Variants in DLGAP2 observed in about 807,000 individuals in gnomAD.
DLGAP2 encodes DLG associated protein 2.
DLGAP2 carries 26 observed loss-of-function variants against 100.3 expected under a neutral mutation model. That is an observed-to-expected ratio of 0.26 (90% CI 0.19 to 0.36). DLGAP2 has a LOEUF of 0.36. DLGAP2 is among the 10% of genes least tolerant of loss of function. The pLI, the probability that DLGAP2 is intolerant of heterozygous loss-of-function variation, is 1.00. For missense variants in DLGAP2, 1,858 were observed against 1,453.2 expected (o/e 1.28, Z -4.53); for synonymous variants, 886 against 630.1 (o/e 1.41, Z -6.08).
At chr8:1,507,402 T>G (rs548645426) in intron 4 of DLGAP2, among the ~76,000 whole-genome samples, 1 of 152,290 alleles carries the variant, frequency 6.6e-6, no homozygotes, top group Admixed American at 6.5e-5. Flanking sequence ...GCCCAGGTGC[T>G]GAGCCCTTCA....
intron 2 of DLGAP2, among the ~76,000 whole-genome samples, chr8:1,067,466 C>G (rs2129036506): frequency 6.6e-6 from 1 of 152,274 alleles, no homozygotes; most frequent in South Asian, 2.1e-4. Flanking sequence ...GGGGGCCACG[C>G]TGAGGAAGCC....
chr8:1,281,684 C>G (rs181088306), intron 3 of DLGAP2, among the ~76,000 whole-genome samples: 3 of 152,156 alleles, frequency 2.0e-5, no homozygotes, highest in African/African-American at 4.8e-5. Context: ...AATTCAGCTC[C>G]CCACACTCCC....
At chr8:1,248,410 GCCCA>G (rs1798960228) in intron 2 of DLGAP2, 1 of 22,034 alleles carries the variant, frequency 4.5e-5, no homozygotes, top group African/African-American at 2.7e-4. Flanking sequence ...GGGAGTGATG[GCCCA>G]TGTTGGTGGC....
At chr8:1,335,648 GT>G (rs1163901939) in intron 3 of DLGAP2, among the ~76,000 whole-genome samples, 3 of 152,150 alleles carry the variant, frequency 2.0e-5, no homozygotes, top group Non-Finnish European at 4.4e-5. Flanking sequence ...ATGAGTAGGA[GT>G]TTGATGGATG....
At chr8:1,349,651 TAGGAAGGGGTGTTTGAGGGA>T (rs879468394) in intron 3 of DLGAP2, among the ~76,000 whole-genome samples, 32 of 59,826 alleles carry the variant, frequency 5.3e-4, no homozygotes, top group East Asian at 1.7e-3. Flanking sequence ...CACACACAGG[TAGGAAGGGGTGTTTGAGGGA>T]GACTATCATG....
chr8:1,456,596 C>G (rs910215332), intron 3 of DLGAP2, among the ~76,000 whole-genome samples: 1 of 152,134 alleles, frequency 6.6e-6, no homozygotes, highest in Non-Finnish European at 1.5e-5. Context: ...TTGCAGCAAA[C>G]TAAGCAATTT....
intron 1 of DLGAP2, among the ~76,000 whole-genome samples, chr8:791,543 A>G (rs972686178): frequency 1.3e-5 from 2 of 152,230 alleles, no homozygotes; most frequent in African/African-American, 4.8e-5. Context: ...GAAACAAAGC[A>G]TACTGTATAA....
At chr8:1,549,981 C>G (rs543057267) in intron 5 of DLGAP2, among the ~76,000 whole-genome samples, 1 of 152,196 alleles carries the variant, frequency 6.6e-6, no homozygotes, top group Non-Finnish European at 1.5e-5. Flanking sequence ...GAGCTGACCC[C>G]TCCTCACTGA....
chr8:1,077,115 G>C (rs1803646325), intron 2 of DLGAP2, among the ~76,000 whole-genome samples: 1 of 152,186 alleles, frequency 6.6e-6, no homozygotes, highest in African/African-American at 2.4e-5. Context: ...TCCGTGGCCT[G>C]ATAGTCCCGA....
chr8:926,478 C>T (rs1244254073), intron 2 of DLGAP2, among the ~76,000 whole-genome samples: 1 of 152,192 alleles, frequency 6.6e-6, no homozygotes, highest in African/African-American at 2.4e-5. Context: ...GTCTCTGTGT[C>T]TCACCGCACC....
intron 2 of DLGAP2, among the ~76,000 whole-genome samples, chr8:970,087 A>T (rs1799976642): frequency 1.3e-5 from 2 of 152,092 alleles, no homozygotes; most frequent in Admixed American, 1.3e-4. Flanking sequence ...TTTCATTTTT[A>T]TCCTGCTCAT....
intron 3 of DLGAP2, among the ~76,000 whole-genome samples, chr8:1,480,072 G>C (rs924011746): frequency 6.6e-6 from 1 of 152,194 alleles, no homozygotes; most frequent in Non-Finnish European, 1.5e-5. Flanking sequence ...GGATGCCAAG[G>C]GTTGGCAGTG....
intron 3 of DLGAP2, among the ~76,000 whole-genome samples, chr8:1,446,011 G>A (rs1420932660): frequency 6.6e-6 from 1 of 151,870 alleles, no homozygotes; most frequent in Non-Finnish European, 1.5e-5. Flanking sequence ...AGATGAGTAG[G>A]TTGCAAAAAT....
intron 4 of DLGAP2, among the ~76,000 whole-genome samples, chr8:1,537,977 A>G (rs547224923): frequency 1.3e-5 from 2 of 152,166 alleles, no homozygotes; most frequent in Non-Finnish European, 2.9e-5. Context: ...TCAGAGGAAG[A>G]TACTGCGGGG....
intron 2 of DLGAP2, among the ~76,000 whole-genome samples, chr8:1,044,037 C>T (rs1563161998): frequency 1.3e-5 from 2 of 152,110 alleles, no homozygotes; most frequent in African/African-American, 2.4e-5. Flanking sequence ...CTTCTCACAG[C>T]AGTGACTGCC....
intron 2 of DLGAP2, among the ~76,000 whole-genome samples, chr8:1,047,330 A>G (rs1753301352): frequency 6.6e-6 from 1 of 152,204 alleles, no homozygotes; most frequent in Admixed American, 6.5e-5. Flanking sequence ...CTTATCCCAA[A>G]GTTTTGGGAA....
chr8:1,068,082 C>T (rs972232045), intron 2 of DLGAP2, among the ~76,000 whole-genome samples: 4 of 152,182 alleles, frequency 2.6e-5, no homozygotes, highest in African/African-American at 9.7e-5. Flanking sequence ...AAATGGGCTT[C>T]GTTCACTTTG....
At chr8:1,594,524 G>A (rs750900626) in intron 6 of DLGAP2, among the ~76,000 whole-genome samples, 6 of 152,046 alleles carry the variant, frequency 3.9e-5, no homozygotes, top group African/African-American at 7.2e-5. Flanking sequence ...AGACAACATC[G>A]TTACAAATAA....
intron 3 of DLGAP2, among the ~76,000 whole-genome samples, chr8:1,349,100 G>A (rs189845649): frequency 4.6e-5 from 7 of 151,576 alleles, no homozygotes; most frequent in African/African-American, 1.5e-4. Flanking sequence ...CTCAGAGAGT[G>A]CTGCCGTTTT....
Sources: gnomAD v4.1 joint callset for allele counts (sites outside exome capture counted in the v4.1 genomes callset) on GRCh38, gnomAD v4.1.1 for gene constraint, MANE v1.5 for transcripts, NCBI Gene and HGNC (gene_info 2026-07-23, HGNC 2026-07-21) for gene names.